The following INSYN2B variants were observed in gnomAD, a reference collection of about 807,000 sequenced individuals.
INSYN2B encodes the protein protein INSYN2B.
INSYN2B carries 16 observed loss-of-function variants against 41.2 expected under a neutral mutation model. The observed-to-expected ratio is 0.39, with a 90% CI of 0.26 to 0.59. The LOEUF is 0.59. Among genes scored for constraint, INSYN2B ranks in the 20% least tolerant of loss-of-function variants. INSYN2B has a pLI of 0.57. For missense variants in INSYN2B, 608 were observed against 646.4 expected (o/e 0.94, Z 0.64); for synonymous variants, 245 against 244.4 (o/e 1.00, Z -0.02).
Position 169,956,909 on chromosome 5 carries a change from G to A in INSYN2B, c.-919+23368C>T, listed in dbSNP as rs79716714. ...GTTTCTGTATTGGCCAACATGCCTG[G>A]TTTCTGTCCCTGGAGGGCCTGCAGA... is the stretch of plus-strand genomic sequence containing the variant. On this transcript the variant is annotated intron_variant, in intron 1 of 3. Transcript: ENST00000377365. Among the ~76,000 whole-genome samples the A allele has an allele frequency of 8.5e-3, 1,296 of 152,184 alleles. 10 individuals are homozygous for A. Among genetic ancestry groups the A allele is most frequent in the Non-Finnish European group, 0.014 (920 of 67,992 alleles).
chr5:169,931,499 A>G (rs998846634), intron 1 of INSYN2B, among the ~76,000 whole-genome samples: 1 of 152,188 alleles, frequency 6.6e-6, no homozygotes, highest in Admixed American at 6.5e-5. Context: ...AGATGTGGTT[A>G]TTTTATGAGG....
intron 1 of INSYN2B, among the ~76,000 whole-genome samples, chr5:169,910,613 A>G (rs113641279): frequency 0.045 from 6,821 of 152,206 alleles, 235 homozygotes; most frequent in South Asian, 0.12. Flanking sequence ...AGTGAAAACG[A>G]TATGTCATGT....
chr5:169,958,188 T>G (rs1207081255), intron 1 of INSYN2B, among the ~76,000 whole-genome samples: 3 of 151,428 alleles, frequency 2.0e-5, no homozygotes, highest in African/African-American at 7.3e-5. Flanking sequence ...AATGAGGGCC[T>G]GGCTAAATGG....
chr5:169,862,506 G>GAA lies in INSYN2B; in HGVS notation c.*1765_*1766dup, dbSNP rs60698190. Among the ~76,000 whole-genome samples the GAA allele has an allele frequency of 2.7e-4, 41 of 150,204 alleles. No individual in the cohort carries two copies. The highest frequency in any genetic ancestry group is 5.6e-4 in the Non-Finnish European group (38 of 67,406). ...CTGACAGTTGATCGTATGGATACAG[G>GAA]AAAAAAAAAATCTGTGGCTTTTAGC... On this transcript the variant is annotated 3_prime_UTR_variant, in exon 4 of 4. Coordinates refer to ENST00000377365, the MANE Select transcript of INSYN2B (RefSeq NM_001129891.3).
chr5:169,947,830 ATACAGCATAAATACC>A lies in INSYN2B; in HGVS notation c.-919+32432_-919+32446del, dbSNP rs550952068. ...GGTGAGCATGAGCATACATAAATAC[ATACAGCATAAATACC>A]TACAGCATACATGGTGCCTGCTGGG... On this transcript the variant is annotated intron_variant, in intron 1 of 3. Transcript: ENST00000377365. 1.0e-3 allele frequency among the ~76,000 whole-genome samples: 153 copies of A among 151,912 alleles called. 2 individuals are homozygous for A. In the South Asian group the frequency reaches 0.029, roughly 28 times the overall value.
chr5:169,924,098 C>A (rs1775313841), intron 1 of INSYN2B, among the ~76,000 whole-genome samples: 1 of 152,150 alleles, frequency 6.6e-6, no homozygotes, highest in Non-Finnish European at 1.5e-5. Context: ...CCCTGCTGTG[C>A]CCCCTGGAAT....
At chr5:169,939,237 G>A (rs1272009117) in intron 1 of INSYN2B, among the ~76,000 whole-genome samples, 1 of 142,708 alleles carries the variant, frequency 7.0e-6, no homozygotes, top group African/African-American at 2.6e-5. Context: ...AAGCTCTTTT[G>A]TTAAAAACTA....
intron 1 of INSYN2B, among the ~76,000 whole-genome samples, chr5:169,972,438 A>G (rs554279939): frequency 6.6e-6 from 1 of 152,144 alleles, no homozygotes; most frequent in South Asian, 2.1e-4. Flanking sequence ...TTTTTAACCA[A>G]TAGATGTCAG....
chr5:169,905,152 A>G (rs171862), intron 1 of INSYN2B, among the ~76,000 whole-genome samples: 109,943 of 152,084 alleles, frequency 0.72, 39,890 homozygotes, highest in East Asian at 0.77. Context: ...GCAAACTCAC[A>G]TGGCTTCAGG....
chr5:169,921,736 G>A (rs578148691), intron 1 of INSYN2B, among the ~76,000 whole-genome samples: 1 of 152,328 alleles, frequency 6.6e-6, no homozygotes, highest in South Asian at 2.1e-4. Context: ...TGAAATGATT[G>A]CTTTCTTGAG....
intron 1 of INSYN2B, among the ~76,000 whole-genome samples, chr5:169,950,014 G>A (rs564937108): frequency 5.9e-5 from 9 of 152,270 alleles, no homozygotes; most frequent in East Asian, 3.9e-4. Flanking sequence ...AGGGTTCTGC[G>A]TTTGAGGGGA....
intron 1 of INSYN2B, among the ~76,000 whole-genome samples, chr5:169,928,043 T>C (rs59090923): frequency 0.018 from 2,728 of 152,140 alleles, 76 homozygotes; most frequent in African/African-American, 0.061. Context: ...CTTAAACAGG[T>C]GGTAGAGAGG....
chr5:169,936,216 T>C (rs1030497659), intron 1 of INSYN2B, among the ~76,000 whole-genome samples: 1 of 152,342 alleles, frequency 6.6e-6, no homozygotes. Flanking sequence ...AGAGGCATTT[T>C]TGAGGCCCAA....
intron 1 of INSYN2B, among the ~76,000 whole-genome samples, chr5:169,950,242 A>T (rs566162124): frequency 1.2e-4 from 18 of 152,344 alleles, no homozygotes; most frequent in African/African-American, 3.8e-4. Context: ...CCATGCCCCT[A>T]GAGAAAGTTA....
intron 1 of INSYN2B, among the ~76,000 whole-genome samples, chr5:169,902,214 A>G (rs116272447): frequency 0.016 from 2,413 of 152,352 alleles, 32 homozygotes; most frequent in Non-Finnish European, 0.025. Flanking sequence ...TAACTCCCCT[A>G]CAAAAGAGCT....
intron 1 of INSYN2B, among the ~76,000 whole-genome samples, chr5:169,968,002 A>G (rs186588723): frequency 2.6e-5 from 4 of 152,250 alleles, no homozygotes; most frequent in Admixed American, 2.6e-4. Context: ...GATCATGTTG[A>G]CATGTTAATA....
intron 1 of INSYN2B, among the ~76,000 whole-genome samples, chr5:169,941,329 G>T (rs529622908): frequency 4.8e-4 from 73 of 152,064 alleles, no homozygotes; most frequent in Non-Finnish European, 9.1e-4. Context: ...TGTCTCAGCC[G>T]CCCAAGTAGC....
intron 1 of INSYN2B, among the ~76,000 whole-genome samples, chr5:169,976,387 A>G (rs945420674): frequency 1.3e-5 from 2 of 152,170 alleles, no homozygotes; most frequent in Non-Finnish European, 2.9e-5. Flanking sequence ...AATGAGCATG[A>G]AGCTGACCTC....
intron 1 of INSYN2B, among the ~76,000 whole-genome samples, chr5:169,928,323 C>T (rs1366681242): frequency 6.6e-6 from 1 of 152,220 alleles, no homozygotes; most frequent in Non-Finnish European, 1.5e-5. Context: ...CTGTTCTGAC[C>T]AGTGGCAGTG....
Sources: allele counts gnomAD v4.1 joint callset (sites outside exome capture counted in the v4.1 genomes callset), GRCh38; gene constraint gnomAD v4.1.1; transcripts MANE v1.5; gene names NCBI Gene and HGNC (gene_info 2026-07-23, HGNC 2026-07-21).